ZDHHC20: variants seen among roughly 807,000 people sequenced by gnomAD.
ZDHHC20 encodes the protein zDHHC palmitoyltransferase 20, also known as palmitoyltransferase ZDHHC20.
In ZDHHC20, 43 loss-of-function variants were observed where a neutral mutation model predicts 57.8. The ratio of observed to expected loss-of-function variants is 0.74; its 90% confidence interval spans 0.58 to 0.96. The LOEUF is 0.96. Among genes scored for constraint, ZDHHC20 ranks in the 40% least tolerant of loss-of-function variants. The pLI, the probability that ZDHHC20 is intolerant of heterozygous loss-of-function variation, is 0.00. For synonymous variants in ZDHHC20, 157 were observed against 153.0 expected (o/e 1.03, Z -0.19); for missense variants, 391 against 441.1 (o/e 0.89, Z 1.02).
In ZDHHC20 at chr13:21,381,537, A is replaced by G. The variant is rs1290195710; in HGVS notation, c.957T>C (p.Asn319=). The G allele has an allele frequency of 8.7e-6, 14 of 1,613,114 alleles. No individual in the cohort carries two copies. The highest frequency in any genetic ancestry group is 1.3e-5 in the African/African-American group (1 of 74,912). The stretch of plus-strand genomic sequence containing the variant: ...TAAGTGGTTTGATAGGAAAAGGTTG[A>G]TTTGAGCCACTACTGAAAAGAAGAG... ...QNEYARSSGS[N]QPFPIKPLSE... Residue 319 remains asparagine, a synonymous_variant, in exon 11 of 13, where the codon AAT becomes AAC. Transcript: ENST00000400590.
rs1871986032 is a variant in ZDHHC20, at chr13:21,375,823, C to T, written c.*873G>A. 6.6e-6 allele frequency: 1 copy of T among 152,136 alleles called. No homozygotes were observed. Among genetic ancestry groups the T allele is most frequent in the Non-Finnish European group, 1.5e-5 (1 of 68,038 alleles). 9.4% of individuals were successfully genotyped at this position (152,136 alleles called of 1,614,324 possible). On this transcript the variant is annotated 3_prime_UTR_variant, in exon 13 of 13. Transcript: ENST00000400590. ...TTTTTTTTAACAAATTACAATATTC[C>T]TCTTAGATTTTCTTCTGGACACCTA...
chr13:21,425,539 G>A, intron 2 of ZDHHC20, 113 bp downstream of exon 2: 2 of 732,854 alleles, frequency 2.7e-6, no homozygotes, highest in Middle Eastern at 3.3e-4. Context: ...TGTAAAGATA[G>A]GGATTTTATT....
chr13:21,406,666 A>G (rs1270507474), intron 4 of ZDHHC20, among the ~76,000 whole-genome samples: 5 of 152,126 alleles, frequency 3.3e-5, no homozygotes, highest in Admixed American at 3.3e-4. Context: ...TAGTTTGCTG[A>G]AAATGATGGC....
At chr13:21,400,966 T>A (rs894913955) in intron 6 of ZDHHC20, among the ~76,000 whole-genome samples, 1 of 151,966 alleles carries the variant, frequency 6.6e-6, no homozygotes, top group African/African-American at 2.4e-5. Context: ...TTAAAACAAT[T>A]AAAACATAAT....
At chr13:21,458,365 C>T (rs545131398) in intron 1 of ZDHHC20, among the ~76,000 whole-genome samples, 16 of 152,162 alleles carry the variant, frequency 1.1e-4, no homozygotes, top group Non-Finnish European at 2.1e-4. Context: ...CCTTAATAAT[C>T]AGCCAAGAAA....
chr13:21,384,536 C>T (rs1874099668), intron 9 of ZDHHC20, among the ~76,000 whole-genome samples: 1 of 148,922 alleles, frequency 6.7e-6, no homozygotes, highest in Non-Finnish European at 1.5e-5. Context: ...GCAAGATATG[C>T]AGAGAAATGG....
intron 4 of ZDHHC20, chr13:21,404,170 G>GT (rs1221762951): frequency 2.6e-6 from 1 of 389,222 alleles, no homozygotes; most frequent in East Asian, 7.3e-5. Flanking sequence ...ACTATGCGGA[G>GT]TTTAACAAAA....
intron 4 of ZDHHC20, among the ~76,000 whole-genome samples, chr13:21,410,243 C>T (rs547712651): frequency 2.0e-5 from 3 of 152,202 alleles, no homozygotes; most frequent in Non-Finnish European, 4.4e-5. Context: ...TTGCTGCCTG[C>T]TCCTTCCTCT....
At chr13:21,458,175 A>G (rs905265449) in intron 1 of ZDHHC20, among the ~76,000 whole-genome samples, 2 of 152,310 alleles carry the variant, frequency 1.3e-5, no homozygotes, top group South Asian at 2.1e-4. Context: ...AATGACAACC[A>G]ATTTCCTTCA....
At chr13:21,442,030 T>A (rs1883226196) in intron 1 of ZDHHC20, among the ~76,000 whole-genome samples, 1 of 152,230 alleles carries the variant, frequency 6.6e-6, no homozygotes. Context: ...TGTACATAAA[T>A]TTTGTTTACG....
Position 21,376,483 on chromosome 13 carries a change from A to G in ZDHHC20, c.*213T>C, listed in dbSNP as rs1455845656. 6.0e-5 allele frequency: 24 copies of G among 402,066 alleles called. No individual in the cohort carries two copies. The highest frequency in any genetic ancestry group is 8.6e-5 in the Non-Finnish European group (19 of 221,244). The allele number at this position is 402,066 out of a possible 1,614,324, so 24.9% of individuals were successfully genotyped here. On this transcript the variant is annotated 3_prime_UTR_variant, in exon 13 of 13. Coordinates refer to ENST00000400590, the MANE Select transcript of ZDHHC20 (RefSeq NM_001330059.2). The stretch of plus-strand genomic sequence containing the variant: ...GTCAATGCTGCACAAATGGACACTT[A>G]AGATTAAGGCATCATTCTGCTCTGG...
chr13:21,400,274 T>TA, intron 7 of ZDHHC20, 99 bp downstream of exon 7: 1 of 1,171,928 alleles, frequency 8.5e-7, no homozygotes, highest in Non-Finnish European at 1.2e-6. Flanking sequence ...CTTGTAAAAT[T>TA]AAAGTATATC....
At chr13:21,385,546 T>G (rs1377079775) in intron 9 of ZDHHC20, among the ~76,000 whole-genome samples, 2 of 152,048 alleles carry the variant, frequency 1.3e-5, no homozygotes, top group African/African-American at 4.8e-5. Flanking sequence ...CAGTAGAAAT[T>G]AACCAAAATG....
intron 1 of ZDHHC20, among the ~76,000 whole-genome samples, chr13:21,432,959 T>G (rs1882144326): frequency 6.6e-6 from 1 of 152,232 alleles, no homozygotes; most frequent in African/African-American, 2.4e-5. Context: ...ATTTCTGAAC[T>G]CTATTTTGTT....
In ZDHHC20 at chr13:21,388,095, C is replaced by T. The variant is rs561500178; in HGVS notation, c.728-461G>A. Among the ~76,000 whole-genome samples the T allele has an allele frequency of 3.9e-5, 6 of 152,046 alleles. No individual in the cohort carries two copies. In the East Asian group the frequency reaches 7.7e-4, roughly 20 times the overall value. On this transcript the variant is annotated intron_variant, in intron 8 of 12. Coordinates refer to ENST00000400590, the MANE Select transcript of ZDHHC20 (RefSeq NM_001330059.2). ...GTTATAAGTGCTAACATGGCCATGA[C>T]GTACTGGGAGCACAGAGGTGAAGGA... is the stretch of plus-strand genomic sequence containing the variant.
Position 21,382,078 on chromosome 13 carries a change from C to A in ZDHHC20, c.945-529G>T, listed in dbSNP as rs942424237. The stretch of plus-strand genomic sequence containing the variant: ...ACATTTGTTGGTTCCCTATTATGGG[C>A]CAGACACGATGCTAGGCATCTTATA... On this transcript the variant is annotated intron_variant, in intron 10 of 12. Transcript: ENST00000400590. The A allele has an allele frequency of 9.9e-6, 4 of 402,214 alleles. No individual in the cohort carries two copies. In the East Asian group the frequency reaches 2.9e-4, roughly 29 times the overall value. The allele number at this position is 402,214 out of a possible 1,614,324, so 24.9% of individuals were successfully genotyped here. A position where few individuals can be genotyped will look rare whatever the true frequency, so the allele number is the denominator to read the frequency against.
At chr13:21,407,245 C>T (rs1234855776) in intron 4 of ZDHHC20, among the ~76,000 whole-genome samples, 3 of 152,140 alleles carry the variant, frequency 2.0e-5, no homozygotes, top group East Asian at 3.9e-4. Flanking sequence ...CCACCTGCCT[C>T]GGCCTCCCAA....
At chr13:21,425,093 C>A (rs1399268981) in intron 2 of ZDHHC20, among the ~76,000 whole-genome samples, 1 of 152,088 alleles carries the variant, frequency 6.6e-6, no homozygotes, top group African/African-American at 2.4e-5. Flanking sequence ...TTGCTTTTAT[C>A]CCAGTGAAAT....
chr13:21,394,188 T>C (rs1876347977), intron 7 of ZDHHC20, among the ~76,000 whole-genome samples: 1 of 152,232 alleles, frequency 6.6e-6, no homozygotes, highest in African/African-American at 2.4e-5. Context: ...GGTCCATTCC[T>C]TTCAGTCTCC....
Sources: allele counts gnomAD v4.1 joint callset (sites outside exome capture counted in the v4.1 genomes callset), GRCh38; gene constraint gnomAD v4.1.1; transcripts MANE v1.5; gene names NCBI Gene and HGNC (gene_info 2026-07-23, HGNC 2026-07-21).